KCNK1: variants seen among roughly 807,000 people sequenced by gnomAD.
The protein encoded by KCNK1 is potassium two pore domain channel subfamily K member 1.
In KCNK1, 10 loss-of-function variants were observed where a neutral mutation model predicts 22.2. That is an observed-to-expected ratio of 0.45 (90% CI 0.28 to 0.76). KCNK1 has a LOEUF of 0.76. Ranked by LOEUF, KCNK1 falls within the 30% of genes least tolerant of loss-of-function variation. The probability of loss-of-function intolerance (pLI) is 0.14; values close to 1 mark genes in which losing one functional copy is unlikely to be tolerated. For synonymous variants in KCNK1, 200 were observed against 186.4 expected, an observed-to-expected ratio of 1.07 and a Z score of -0.60; for missense variants, 378 against 421.0, an observed-to-expected ratio of 0.90 and a Z score of 0.89.
At chr1:233,653,474 G>T (rs1468614559) in intron 1 of KCNK1, among the ~76,000 whole-genome samples, 2 of 152,114 alleles carry the variant, frequency 1.3e-5, no homozygotes, top group African/African-American at 4.8e-5. Flanking sequence ...TTACATCTGG[G>T]TGCATCTGTG....
intron 1 of KCNK1, among the ~76,000 whole-genome samples, chr1:233,660,080 A>G (rs1396533942): frequency 6.6e-6 from 1 of 152,228 alleles, no homozygotes; most frequent in Non-Finnish European, 1.5e-5. Context: ...TGAAGAGGAC[A>G]TGAGTAGTCA....
At chr1:233,624,393 C>T (rs997786872) in intron 1 of KCNK1, among the ~76,000 whole-genome samples, 5 of 152,136 alleles carry the variant, frequency 3.3e-5, no homozygotes, top group African/African-American at 1.2e-4. Flanking sequence ...TCTTTCTCCA[C>T]AGCACTTAGC....
At chr1:233,621,501 C>T (rs1260929240) in intron 1 of KCNK1, among the ~76,000 whole-genome samples, 4 of 152,148 alleles carry the variant, frequency 2.6e-5, no homozygotes, top group Non-Finnish European at 5.9e-5. Context: ...TTTTATATAC[C>T]TGAATGGGAT....
chr1:233,650,867 C>T (rs1658189859), intron 1 of KCNK1, among the ~76,000 whole-genome samples: 1 of 151,950 alleles, frequency 6.6e-6, no homozygotes, highest in Admixed American at 6.6e-5. Flanking sequence ...AGATTCCCAC[C>T]AGGGCAAAAT....
At chr1:233,658,598 C>T (rs1658340491) in intron 1 of KCNK1, among the ~76,000 whole-genome samples, 1 of 152,116 alleles carries the variant, frequency 6.6e-6, no homozygotes, top group Non-Finnish European at 1.5e-5. Context: ...GACAGGGATA[C>T]GTTCTGAGAA....
At chr1:233,627,196 G>A (rs1323072454) in intron 1 of KCNK1, among the ~76,000 whole-genome samples, 1 of 152,150 alleles carries the variant, frequency 6.6e-6, no homozygotes, top group African/African-American at 2.4e-5. Flanking sequence ...GAGTATAACA[G>A]GGCTGGCTCC....
chr1:233,617,921 C>G (rs537870527), intron 1 of KCNK1, among the ~76,000 whole-genome samples: 11 of 152,020 alleles, frequency 7.2e-5, no homozygotes, highest in Non-Finnish European at 1.6e-4. Context: ...CAGAGCAAGA[C>G]TCTGTCTTGG....
rs1571907102 is a variant in KCNK1 at position 233,668,952 on chromosome 1, A to AATATC, written c.751+1963_751+1964insTATCA. Among the ~76,000 whole-genome samples, 3 of 152,298 alleles carry AATATC rather than the reference A, an allele frequency of 2.0e-5. No individual in the cohort carries two copies. The East Asian group carries it at 5.8e-4, about 29-fold the overall frequency. On this transcript the variant is annotated intron_variant, in intron 2 of 2. Transcript: ENST00000366621. ...ACATTTCCTCCTCTGATATTCTTCC[A>AATATC]AGAAATGAGATTGCTGGTGCAAAGT...
chr1:233,638,999 C>T (rs947477129), intron 1 of KCNK1, among the ~76,000 whole-genome samples: 2 of 152,152 alleles, frequency 1.3e-5, no homozygotes, highest in African/African-American at 2.4e-5. Flanking sequence ...GATTAGGTTC[C>T]TCTGATCCAA....
chr1:233,646,472 A>G (rs939663953), intron 1 of KCNK1, among the ~76,000 whole-genome samples: 1 of 152,196 alleles, frequency 6.6e-6, no homozygotes, highest in Non-Finnish European at 1.5e-5. Flanking sequence ...AATATGTCAC[A>G]GGTAGACCAG....
At chr1:233,633,552 C>A (rs1657841608) in intron 1 of KCNK1, among the ~76,000 whole-genome samples, 1 of 152,046 alleles carries the variant, frequency 6.6e-6, no homozygotes. Flanking sequence ...TCAAATAGGC[C>A]TATCTCTCTA....
intron 2 of KCNK1, among the ~76,000 whole-genome samples, chr1:233,667,602 C>G (rs1290770605): frequency 6.6e-6 from 1 of 151,186 alleles, no homozygotes; most frequent in East Asian, 1.9e-4. Context: ...TGGTAGCGGG[C>G]GCCTGTAGTC....
intron 1 of KCNK1, among the ~76,000 whole-genome samples, chr1:233,616,807 T>G (rs552149403): frequency 6.6e-6 from 1 of 152,234 alleles, no homozygotes; most frequent in African/African-American, 2.4e-5. Context: ...ATAGGTGCCC[T>G]GGCCATGAAT....
At chr1:233,654,365 T>G (rs909451896) in intron 1 of KCNK1, among the ~76,000 whole-genome samples, 1 of 152,052 alleles carries the variant, frequency 6.6e-6, no homozygotes, top group Non-Finnish European at 1.5e-5. Context: ...AGAAAACAAA[T>G]TTTTTTAAAA....
rs1050684262 is a variant in KCNK1 at position 233,661,129 on chromosome 1, T to C, written c.356-5466T>C. 3.3e-5 allele frequency among the ~76,000 whole-genome samples: 5 copies of C among 152,328 alleles called. 1 individual carries two copies. In the Middle Eastern group the frequency reaches 0.01, roughly 311 times the overall value. The stretch of plus-strand genomic sequence containing the variant: ...TTTTTATTGAGTGTTTTGAGCCCGT[T>C]TCCCTCCTTTCCAGAACCTACCTCC... On this transcript the variant is annotated intron_variant, in intron 1 of 2. Transcript: ENST00000366621.
At chr1:233,632,027 C>G (rs1431819458) in intron 1 of KCNK1, among the ~76,000 whole-genome samples, 1 of 152,186 alleles carries the variant, frequency 6.6e-6, no homozygotes, top group Non-Finnish European at 1.5e-5. Context: ...GATGCCATGA[C>G]AAAATTTACC....
rs770514493 is a variant in KCNK1, at chr1:233,614,157, G to C, written c.-15G>C. 2 of 1,089,416 alleles carry C rather than the reference G, an allele frequency of 1.8e-6. No individual in the cohort carries two copies. The highest frequency in any genetic ancestry group is 2.8e-5 in the Admixed American group (1 of 36,270). The allele number at this position is 1,089,416 out of a possible 1,614,324, so 67.5% of individuals were successfully genotyped here. The stretch of plus-strand genomic sequence containing the variant: ...CCGGTCTGCGGCGTTGGCCTTGGCG[G>C]CGGCGGTGGAGAAGATGCTGCAGTC... On this transcript the variant is annotated 5_prime_UTR_variant, in exon 1 of 3. Coordinates refer to ENST00000366621, the MANE Select transcript of KCNK1 (RefSeq NM_002245.4).
At position 233,666,678 on chromosome 1, in the gene KCNK1, C is replaced by T; in HGVS notation, c.439C>T (p.Leu147=). 1 of 1,614,174 alleles carries T rather than the reference C, an allele frequency of 6.2e-7. No homozygotes were observed. Among genetic ancestry groups the T allele is most frequent in the Non-Finnish European group, 8.5e-7 (1 of 1,180,036 alleles). ...CGTCATTGGCATTCCCTTCACCCTC[C>T]TGTTCCTGACGGCTGTGGTCCAGCG... ...YSVIGIPFTL[L]FLTAVVQRIT... is the part of the protein sequence containing the mutation. Residue 147 remains leucine, a synonymous_variant, in exon 2 of 3, where the codon CTG becomes TTG. Coordinates refer to ENST00000366621, the MANE Select transcript of KCNK1 (RefSeq NM_002245.4).
intron 1 of KCNK1, among the ~76,000 whole-genome samples, chr1:233,647,512 G>A (rs1245562791): frequency 6.6e-6 from 1 of 152,180 alleles, no homozygotes; most frequent in Non-Finnish European, 1.5e-5. Flanking sequence ...GAGAGTTTCT[G>A]CCCTTTACCA....
Sources: gnomAD v4.1 joint callset for allele counts (sites outside exome capture counted in the v4.1 genomes callset) on GRCh38, gnomAD v4.1.1 for gene constraint, MANE v1.5 for transcripts, NCBI Gene and HGNC (gene_info 2026-07-23, HGNC 2026-07-21) for gene names.